Variants in DYNC2H1 observed in about 807,000 individuals in gnomAD.
DYNC2H1 encodes cytoplasmic dynein 2 heavy chain 1.
Under a neutral mutation model 570.0 loss-of-function variants are expected in DYNC2H1, and 410 were observed. The observed-to-expected ratio is 0.72, with a 90% CI of 0.66 to 0.78. DYNC2H1 has a LOEUF of 0.78. Among genes scored for constraint, DYNC2H1 ranks in the 30% least tolerant of loss-of-function variants. The pLI is 0.00. For missense variants in DYNC2H1, 4,865 were observed against 5,046.4 expected, an observed-to-expected ratio of 0.96 and a Z score of 1.09; for synonymous variants, 1,688 against 1,677.6, an observed-to-expected ratio of 1.01 and a Z score of -0.15.
chr11:103,253,493 T>C, intron 66 of DYNC2H1, 45 bp downstream of exon 66: 1 of 1,550,418 alleles, frequency 6.4e-7, no homozygotes, highest in Non-Finnish European at 8.8e-7. Context: ...TTTTCGAGCT[T>C]TATATACCTA....
chr11:103,288,706 A>AAAAAAAAAAAAAAAAAAAAG (rs1866457408), intron 75 of DYNC2H1, among the ~76,000 whole-genome samples: 1 of 147,540 alleles, frequency 6.8e-6, no homozygotes, highest in Non-Finnish European at 1.5e-5. Context: ...AAAAAAAAAA[A>AAAAAAAAAAAAAAAAAAAAG]AAAAGAAAAG....
chr11:103,279,733 A>G (rs1866057135), intron 70 of DYNC2H1, among the ~76,000 whole-genome samples: 1 of 152,140 alleles, frequency 6.6e-6, no homozygotes, highest in Non-Finnish European at 1.5e-5. Context: ...CCTGTGAAGT[A>G]CTGGGTTATC....
chr11:103,137,106 A>G (rs1252434197), intron 17 of DYNC2H1, among the ~76,000 whole-genome samples: 20 of 145,484 alleles, frequency 1.4e-4, no homozygotes, highest in Non-Finnish European at 2.7e-4. Flanking sequence ...GTTTGAGTTC[A>G]TTGTAGATTC....
Position 103,115,203 on chromosome 11 carries a change from C to A in DYNC2H1, c.529C>A (p.Gln177Lys). 6.2e-7 allele frequency: 1 copy of A among 1,610,542 alleles called. No homozygotes were observed. The highest frequency in any genetic ancestry group is 1.1e-5 in the South Asian group (1 of 90,098). ...TATCCTTACACCAAGCGATGAGTTC[C>A]AGTTTTGGATAGAACAAGCTCACCG... is the stretch of plus-strand genomic sequence containing the variant. ...RGILTPSDEFQFWIEQAHRGN... is the reference protein window; with the variant it reads ...RGILTPSDEFKFWIEQAHRGN... Residue 177 changes from glutamine (Q) to lysine (K), a missense_variant, in exon 4 of 89, where the codon CAG becomes AAG. Physicochemically the swap from Gln to Lys is moderately conservative, Grantham distance 53 (BLOSUM62 1). This residue lies in a region of DYNC2H1 where 1,936 missense variants were observed against 1,962.1 expected (regional missense o/e 0.99). Transcript: ENST00000375735.
intron 72 of DYNC2H1, 123 bp downstream of exon 72, chr11:103,282,352 G>T (rs183872090): frequency 1.1e-5 from 9 of 813,556 alleles, no homozygotes; most frequent in South Asian, 3.4e-5. Context: ...TTGATTAGAA[G>T]AATATATTCT....
chr11:103,444,003 G>T (rs929645486), intron 85 of DYNC2H1, among the ~76,000 whole-genome samples: 2 of 151,758 alleles, frequency 1.3e-5, no homozygotes, highest in Admixed American at 6.6e-5. Context: ...TTTGTTACAT[G>T]TTATTTAATT....
intron 87 of DYNC2H1, among the ~76,000 whole-genome samples, chr11:103,457,705 G>A (rs940892300): frequency 6.6e-6 from 1 of 152,010 alleles, no homozygotes; most frequent in Non-Finnish European, 1.5e-5. Flanking sequence ...AAACACCTGG[G>A]TTCAAGTGAT....
Position 103,319,289 on chromosome 11 carries a change from T to C in DYNC2H1, c.11726-1740T>C, listed in dbSNP as rs955627878. 6.6e-6 allele frequency among the ~76,000 whole-genome samples: 1 copy of C among 152,146 alleles called. No homozygotes were observed. The highest frequency in any genetic ancestry group is 1.5e-5 in the Non-Finnish European group (1 of 67,976). ...GAGTAAAAATCTGTTAAATCTTGAT[T>C]ACAGAATTTTCTGACATGAAGGAAC... On this transcript the variant is annotated intron_variant, in intron 80 of 88. Transcript: ENST00000375735. This position sits in a 1 kb window ranked among gnomAD's most constrained non-coding sequence, Gnocchi z 4.3.
chr11:103,356,218 A>G (rs1410263075), intron 82 of DYNC2H1, among the ~76,000 whole-genome samples: 1 of 152,230 alleles, frequency 6.6e-6, no homozygotes, highest in East Asian at 1.9e-4. Flanking sequence ...TCTATGCTTT[A>G]TAAAAAGATA....
intron 84 of DYNC2H1, among the ~76,000 whole-genome samples, chr11:103,434,354 G>T (rs1158672343): frequency 6.6e-6 from 1 of 151,640 alleles, no homozygotes; most frequent in East Asian, 1.9e-4. Flanking sequence ...TGCATCAGCT[G>T]TGGGACAACA....
At chr11:103,138,747 TC>T (rs1258494681) in intron 17 of DYNC2H1, among the ~76,000 whole-genome samples, 1 of 152,204 alleles carries the variant, frequency 6.6e-6, no homozygotes. Context: ...TAGGGAGGAT[TC>T]CCTCTTTTTC....
At chr11:103,348,598 A>AT (rs1349148133) in intron 82 of DYNC2H1, among the ~76,000 whole-genome samples, 3 of 152,176 alleles carry the variant, frequency 2.0e-5, no homozygotes, top group Admixed American at 1.3e-4. Flanking sequence ...TGTAATTATC[A>AT]TAAGATTCAT....
At chr11:103,300,350 A>G (rs1277606854) in intron 75 of DYNC2H1, among the ~76,000 whole-genome samples, 1 of 152,076 alleles carries the variant, frequency 6.6e-6, no homozygotes, top group Non-Finnish European at 1.5e-5. Flanking sequence ...AGTTCCAGTG[A>G]TTTCCAAATA....
intron 87 of DYNC2H1, among the ~76,000 whole-genome samples, chr11:103,458,619 T>C (rs1346493875): frequency 2.0e-5 from 3 of 152,162 alleles, no homozygotes; most frequent in African/African-American, 7.2e-5. Flanking sequence ...AAAAAGCCAC[T>C]TATGATGATC....
intron 9 of DYNC2H1, 26 bp from the exon 10 acceptor site, chr11:103,121,346 T>A: frequency 1.9e-6 from 3 of 1,563,252 alleles, no homozygotes; most frequent in East Asian, 2.4e-5. Flanking sequence ...TTCTTTGTAA[T>A]CATTTATTTG....
chr11:103,181,868 A>G lies in DYNC2H1; in HGVS notation c.6459A>G (p.Leu2153=). The change falls in exon 40 of 89, where the codon TTA becomes TTG. Residue 2153 remains leucine (L), a synonymous_variant. Coordinates refer to ENST00000375735, the MANE Select transcript of DYNC2H1 (RefSeq NM_001377.3). This position sits in a 1 kb window ranked among gnomAD's most constrained non-coding sequence, Gnocchi z 5.0. ...NWIGDYFEKA[L]QWVLKQNDYV... ...TTGGAGATTATTTTGAAAAGGCTTT[A>G]CAATGGGTTCTAAAGCAGGTAAATT... 1.9e-6 allele frequency: 3 copies of G among 1,605,714 alleles called. No homozygotes were observed. The highest frequency in any genetic ancestry group is 2.6e-6 in the Non-Finnish European group (3 of 1,175,174).
chr11:103,456,243 T>A (rs1263321690), intron 86 of DYNC2H1, 32 bp from the exon 87 acceptor site: 1 of 1,545,002 alleles, frequency 6.5e-7, no homozygotes, highest in Non-Finnish European at 8.8e-7. Flanking sequence ...TAAGGATTAT[T>A]GATTTGTGAC....
chr11:103,411,014 G>T (rs1185020911), intron 84 of DYNC2H1, among the ~76,000 whole-genome samples: 2 of 152,046 alleles, frequency 1.3e-5, no homozygotes, highest in Admixed American at 6.6e-5. Flanking sequence ...ACTGGGGTGG[G>T]GATGCTTGCA....
At chr11:103,214,650 C>T (rs1863305997) in intron 54 of DYNC2H1, among the ~76,000 whole-genome samples, 1 of 151,770 alleles carries the variant, frequency 6.6e-6, no homozygotes, top group Admixed American at 6.6e-5. Context: ...ATCATGTTGG[C>T]CAGGCTGGTC....
Sources: gnomAD v4.1 joint callset for allele counts (sites outside exome capture counted in the v4.1 genomes callset) on GRCh38, gnomAD v4.1.1 for gene constraint, gnomAD v4.1.1 regional missense constraint, Gnocchi (gnomAD v3.1) non-coding constraint, MANE v1.5 for transcripts, NCBI Gene and HGNC (gene_info 2026-07-23, HGNC 2026-07-21) for gene names.